Variants in SORCS1 observed in about 807,000 individuals in gnomAD.
The protein encoded by SORCS1 is VPS10 domain-containing receptor SorCS1.
In SORCS1, 60 loss-of-function variants were observed where a neutral mutation model predicts 146.1. The observed-to-expected ratio is 0.41, with a 90% CI of 0.33 to 0.51. The LOEUF (loss-of-function observed/expected upper bound fraction) is 0.51, where lower values mean the gene tolerates loss of function less well. Among genes scored for constraint, SORCS1 ranks in the 20% least tolerant of loss-of-function variants. The pLI is 0.21. For missense variants in SORCS1, 1,352 were observed against 1,487.6 expected (o/e 0.91, Z 1.50); for synonymous variants, 637 against 584.0 (o/e 1.09, Z -1.31).
intron 2 of SORCS1, among the ~76,000 whole-genome samples, chr10:106,836,474 CAAAA>C (rs68181690): frequency 2.1e-4 from 16 of 77,776 alleles, no homozygotes; most frequent in African/African-American, 7.0e-4. Context: ...GACTCGGTCT[CAAAA>C]AAAAAAAAAA....
At chr10:106,817,684 G>C (rs1451448997) in intron 3 of SORCS1, among the ~76,000 whole-genome samples, 1 of 152,174 alleles carries the variant, frequency 6.6e-6, no homozygotes, top group African/African-American at 2.4e-5. Flanking sequence ...GAGAATGAAA[G>C]ATACAGTACC....
At chr10:106,920,950 A>G (rs1214693468) in intron 2 of SORCS1, among the ~76,000 whole-genome samples, 1 of 152,070 alleles carries the variant, frequency 6.6e-6, no homozygotes. Flanking sequence ...GAGACCTGAG[A>G]GGACCCCAGC....
intron 17 of SORCS1, among the ~76,000 whole-genome samples, chr10:106,657,128 C>T (rs746160855): frequency 2.6e-5 from 4 of 152,128 alleles, no homozygotes; most frequent in Non-Finnish European, 5.9e-5. Flanking sequence ...GAAAAGAAGT[C>T]ATTATAGCAA....
At chr10:106,701,492 T>C (rs78567728) in intron 8 of SORCS1, among the ~76,000 whole-genome samples, 46 of 152,326 alleles carry the variant, frequency 3.0e-4, no homozygotes, top group African/African-American at 1.1e-3. Flanking sequence ...TATCTCACTA[T>C]TGGTTTTTAA....
At chr10:107,159,727 ACAC>A (rs1255336377) in intron 1 of SORCS1, among the ~76,000 whole-genome samples, 4 of 152,312 alleles carry the variant, frequency 2.6e-5, no homozygotes, top group Middle Eastern at 3.4e-3. Context: ...CTTCCAAATC[ACAC>A]CACATTAGCA....
At chr10:107,086,357 A>G (rs1239074027) in intron 1 of SORCS1, among the ~76,000 whole-genome samples, 2 of 152,230 alleles carry the variant, frequency 1.3e-5, no homozygotes, top group East Asian at 3.8e-4. Context: ...ACCTAACCTC[A>G]TTTAAAGACA....
rs1854154432 is a variant in SORCS1, at chr10:106,701,751, C to T, written c.1234-2358G>A. On this transcript the variant is annotated intron_variant, in intron 8 of 25. Transcript: ENST00000263054. ...GGAGTAAAACTAGTTGAGTTCAAATCTTGGCTCTATAACTTAGCCATGTGA... is the reference window on the plus strand; with the variant it reads ...GGAGTAAAACTAGTTGAGTTCAAATTTTGGCTCTATAACTTAGCCATGTGA... Among the ~76,000 whole-genome samples, 3 of 152,310 alleles carry T rather than the reference C, an allele frequency of 2.0e-5. No homozygotes were observed. The East Asian group carries it at 5.8e-4, about 29-fold the overall frequency.
intron 2 of SORCS1, among the ~76,000 whole-genome samples, chr10:106,882,181 C>A (rs1034654588): frequency 3.3e-5 from 5 of 152,038 alleles, no homozygotes; most frequent in African/African-American, 1.2e-4. Flanking sequence ...CCAGAGGTAT[C>A]CAATCTTTTG....
intron 1 of SORCS1, among the ~76,000 whole-genome samples, chr10:107,027,734 C>T (rs1056811142): frequency 3.9e-5 from 6 of 152,190 alleles, no homozygotes; most frequent in African/African-American, 1.4e-4. Context: ...TACCCTTTCT[C>T]CACTTCTGTG....
chr10:107,128,677 C>A (rs1274373387), intron 1 of SORCS1, among the ~76,000 whole-genome samples: 1 of 152,218 alleles, frequency 6.6e-6, no homozygotes, highest in East Asian at 1.9e-4. Flanking sequence ...CCTTAAGGAA[C>A]ATTTTCCTAG....
chr10:106,964,789 T>A (rs918179725), intron 1 of SORCS1, among the ~76,000 whole-genome samples: 48 of 151,624 alleles, frequency 3.2e-4, no homozygotes, highest in Non-Finnish European at 5.6e-4. Context: ...CCAGGCCTAA[T>A]TTTTTTTAGA....
chr10:106,627,157 G>A (rs1200746633), intron 19 of SORCS1, among the ~76,000 whole-genome samples: 1 of 152,094 alleles, frequency 6.6e-6, no homozygotes, highest in African/African-American at 2.4e-5. Context: ...TTGCAGGGGA[G>A]CAGTAGACAC....
intron 1 of SORCS1, among the ~76,000 whole-genome samples, chr10:107,065,043 C>T (rs546484652): frequency 5.9e-5 from 9 of 152,270 alleles, no homozygotes; most frequent in African/African-American, 2.2e-4. Context: ...TTTGCTTCTC[C>T]TCACTGTTTC....
rs544603704 is a variant in SORCS1 at position 107,015,666 on chromosome 10, C to A, written c.559-59086G>T. On this transcript the variant is annotated intron_variant, in intron 1 of 25. Transcript: ENST00000263054. ...GCAACACATGGCCTCCTGGCTCTCTCAATGATCTATAGTCTTCAACAATGA... is the reference window on the plus strand; with the variant it reads ...GCAACACATGGCCTCCTGGCTCTCTAAATGATCTATAGTCTTCAACAATGA... Among the ~76,000 whole-genome samples the A allele has an allele frequency of 7.2e-5, 11 of 152,278 alleles. No individual in the cohort carries two copies. The South Asian group carries it at 2.3e-3, about 32-fold the overall frequency.
intron 2 of SORCS1, among the ~76,000 whole-genome samples, chr10:106,867,439 C>A (rs1168510992): frequency 6.6e-6 from 1 of 152,088 alleles, no homozygotes; most frequent in Non-Finnish European, 1.5e-5. Flanking sequence ...CACCCACCAC[C>A]ACGCCCGGCT....
At chr10:106,611,454 T>G (rs569577854) in intron 22 of SORCS1, among the ~76,000 whole-genome samples, 1 of 152,360 alleles carries the variant, frequency 6.6e-6, no homozygotes, top group South Asian at 2.1e-4. Context: ...GAATGCTCAC[T>G]GCACTGTTAT....
intron 5 of SORCS1, among the ~76,000 whole-genome samples, chr10:106,743,296 G>A (rs1212540602): frequency 6.6e-6 from 1 of 152,004 alleles, no homozygotes; most frequent in Non-Finnish European, 1.5e-5. Flanking sequence ...AGAGAGAGGA[G>A]ACTTTCTTCG....
intron 24 of SORCS1, among the ~76,000 whole-genome samples, chr10:106,596,156 T>C (rs190377941): frequency 3.3e-5 from 5 of 152,282 alleles, no homozygotes; most frequent in Non-Finnish European, 5.9e-5. Context: ...TGCTTAAATA[T>C]GTTACGTAGT....
rs143661584 is a variant in SORCS1 at position 107,099,285 on chromosome 10, C to A, written c.558+64684G>T. ...TCTTTATGTTAACTCAAATTTAATT[C>A]TCAGGGACTCTTGATTGAGAAGATT... On this transcript the variant is annotated intron_variant, in intron 1 of 25. Coordinates refer to ENST00000263054, the MANE Select transcript of SORCS1 (RefSeq NM_052918.5). 2.8e-3 allele frequency among the ~76,000 whole-genome samples: 426 copies of A among 152,196 alleles called. 1 individual carries two copies. The highest frequency in any genetic ancestry group is 8.9e-3 in the African/African-American group (369 of 41,506).
Sources: gnomAD v4.1 joint callset for allele counts (sites outside exome capture counted in the v4.1 genomes callset) on GRCh38, gnomAD v4.1.1 for gene constraint, MANE v1.5 for transcripts, NCBI Gene and HGNC (gene_info 2026-07-23, HGNC 2026-07-21) for gene names.